BANF2: variants seen among roughly 807,000 people sequenced by gnomAD.
The protein encoded by BANF2 is BANF family member 2.
In BANF2, 4 loss-of-function variants were observed where a neutral mutation model predicts 8.0. The ratio of observed to expected loss-of-function variants is 0.50; its 90% CI spans 0.25 to 1.14. The LOEUF (loss-of-function observed/expected upper bound fraction) is 1.14, where lower values mean the gene tolerates loss of function less well. Ranked by LOEUF, BANF2 falls within the 50% of genes most tolerant of loss-of-function variation. The probability of loss-of-function intolerance (pLI) is 0.16; values close to 1 mark genes in which losing one functional copy is unlikely to be tolerated. For synonymous variants in BANF2, 50 were observed against 40.6 expected, an observed-to-expected ratio of 1.23 and a Z score of -0.88; for missense variants, 96 against 107.5, an observed-to-expected ratio of 0.89 and a Z score of 0.47.
chr20:17,707,606 T>A lies in BANF2; in HGVS notation c.-167+7551T>A, dbSNP rs547043510. Among the ~76,000 whole-genome samples, 6 of 151,378 alleles carry A rather than the reference T, an allele frequency of 4.0e-5. 1 individual carries two copies. Among genetic ancestry groups the A allele is most frequent in the African/African-American group, 1.5e-4 (6 of 41,252 alleles). On this transcript the variant is annotated intron_variant, in intron 1 of 3. Coordinates refer to ENST00000246090, the MANE Select transcript of BANF2 (RefSeq NM_178477.5). ...TATATACTTTTTTTTTGAGATGGAG[T>A]TTTGCTCTTATTGCCCAGGCTGGAG...
chr20:17,716,690 C>A (rs1331429259), intron 1 of BANF2, among the ~76,000 whole-genome samples: 2 of 151,110 alleles, frequency 1.3e-5, no homozygotes, highest in South Asian at 2.1e-4. Flanking sequence ...ATGGTGAAAC[C>A]CCGAGCCAGG....
chr20:17,734,757 C>A (rs1232394738), intron 3 of BANF2, among the ~76,000 whole-genome samples: 1 of 152,190 alleles, frequency 6.6e-6, no homozygotes, highest in East Asian at 1.9e-4. Context: ...CATAACATTT[C>A]AAGCATTGTC....
Position 17,735,802 on chromosome 20 carries a change from C to T in BANF2, c.264C>T (p.Cys88=). ...ACTGCCTCAAGGAGTGGTGTGCCTG[C>T]TTCCTGTAGACACAAACCTCATTGC... ...TSHCLKEWCA[C]FL Residue 88 remains cysteine, a synonymous_variant, in exon 4 of 4, where the codon TGC becomes TGT. Transcript: ENST00000246090. The T allele has an allele frequency of 6.2e-7, 1 of 1,613,374 alleles. No individual in the cohort carries two copies. Among genetic ancestry groups the T allele is most frequent in the Non-Finnish European group, 8.5e-7 (1 of 1,179,810 alleles).
At chr20:17,694,601 CTTTTTTTTTTTTTTT>C (rs869067650) in intron 1 of BANF2, among the ~76,000 whole-genome samples, 2 of 26,768 alleles carry the variant, frequency 7.5e-5, no homozygotes, top group South Asian at 2.1e-3. Flanking sequence ...TTTTCTCTCT[CTTTTTTTTTTTTTTT>C]TTTTTTTTTT....
chr20:17,694,601 CTTTTTTTTTTTT>C lies in BANF2; in HGVS notation c.18+916_18+927del, dbSNP rs869067650. Reference sequence around the variant, plus strand: ...GGGGCTATTTTTGTTTTTTCTCTCTCTTTTTTTTTTTTTTTTTTTTTTTTTTTTTTTTATTGA... The same window carrying C: ...GGGGCTATTTTTGTTTTTTCTCTCTCTTTTTTTTTTTTTTTTTTTTATTGA... On this transcript the variant is annotated intron_variant, in intron 1 of 2. Transcript: ENST00000545418. Among the ~76,000 whole-genome samples, 383 of 26,754 alleles carry C rather than the reference CTTTTTTTTTTTT, an allele frequency of 0.014. 3 individuals are homozygous for C. The East Asian group carries it at 0.16, about 11-fold the overall frequency. The allele number at this position is 26,754 out of a possible 152,430, so 17.6% of individuals were successfully genotyped here.
At chr20:17,726,949 C>T (rs1266176111) in intron 3 of BANF2, among the ~76,000 whole-genome samples, 1 of 152,216 alleles carries the variant, frequency 6.6e-6, no homozygotes, top group Non-Finnish European at 1.5e-5. Flanking sequence ...TCCCATTACT[C>T]AAAATATTCA....
intron 1 of BANF2, among the ~76,000 whole-genome samples, chr20:17,707,387 A>AAAAAAAAAAAAC (rs1240416068): frequency 6.6e-6 from 1 of 151,810 alleles, no homozygotes; most frequent in Non-Finnish European, 1.5e-5. Context: ...TGTGTCAAAA[A>AAAAAAAAAAAAC]AAAGAAAATC....
chr20:17,708,640 T>C (rs2037523368), intron 1 of BANF2, among the ~76,000 whole-genome samples: 1 of 152,180 alleles, frequency 6.6e-6, no homozygotes, highest in South Asian at 2.1e-4. Context: ...TTGCACTGTT[T>C]TCTTCACTGC....
chr20:17,703,103 C>G (rs2037433523), intron 1 of BANF2, among the ~76,000 whole-genome samples: 1 of 152,224 alleles, frequency 6.6e-6, no homozygotes, highest in Non-Finnish European at 1.5e-5. Flanking sequence ...GCTGTTCTCT[C>G]TGCCGGCATC....
intron 3 of BANF2, among the ~76,000 whole-genome samples, chr20:17,733,548 A>G (rs867546898): frequency 6.6e-6 from 1 of 152,120 alleles, no homozygotes; most frequent in African/African-American, 2.4e-5. Context: ...CGTTTCTGTT[A>G]CCTTCACCTT....
At chr20:17,714,211 A>AAAAG (rs1311821914) in intron 1 of BANF2, among the ~76,000 whole-genome samples, 5 of 143,192 alleles carry the variant, frequency 3.5e-5, no homozygotes, top group Non-Finnish European at 7.6e-5. Flanking sequence ...AAAAAAAAAA[A>AAAAG]AAAGAAAGAA....
At chr20:17,714,876 C>A (rs2037628661) in intron 1 of BANF2, among the ~76,000 whole-genome samples, 2 of 152,078 alleles carry the variant, frequency 1.3e-5, no homozygotes, top group Admixed American at 1.3e-4. Context: ...AGTAAGTCTC[C>A]CCGCCCTGTG....
At chr20:17,717,214 G>A (rs2037667384) in intron 1 of BANF2, among the ~76,000 whole-genome samples, 1 of 152,094 alleles carries the variant, frequency 6.6e-6, no homozygotes, top group African/African-American at 2.4e-5. Flanking sequence ...TCCTCTCACT[G>A]TAGACCGAAG....
intron 3 of BANF2, among the ~76,000 whole-genome samples, chr20:17,732,891 G>C (rs142680007): frequency 6.6e-6 from 1 of 152,180 alleles, no homozygotes; most frequent in Non-Finnish European, 1.5e-5. Context: ...GAAACCAAGC[G>C]GGCATCTGGC....
chr20:17,728,424 C>A (rs1355462174), intron 3 of BANF2, among the ~76,000 whole-genome samples: 2 of 152,166 alleles, frequency 1.3e-5, no homozygotes, highest in Non-Finnish European at 2.9e-5. Context: ...GACACCAGCG[C>A]CCCCGCTCCA....
intron 1 of BANF2, among the ~76,000 whole-genome samples, chr20:17,707,553 A>G (rs2037500981): frequency 6.6e-6 from 1 of 152,150 alleles, no homozygotes; most frequent in East Asian, 1.9e-4. Context: ...CCAAGGTTCA[A>G]GATGAGAATG....
rs1447137430 is a variant in BANF2, at chr20:17,725,130, G to A, written c.105G>A (p.Leu35=). 6.2e-7 allele frequency: 1 copy of A among 1,612,796 alleles called. No homozygotes were observed. Among genetic ancestry groups the A allele is most frequent in the Admixed American group, 1.7e-5 (1 of 60,012 alleles). Residue 35 remains leucine (L), a synonymous_variant, in exon 3 of 4, where the codon TTG becomes TTA. Transcript: ENST00000246090. Reference sequence around the variant, plus strand: ...TCAGCCATGAGCTCGCGATCAATTTGGTCACCAAAGGTATCAATAAGGTAA... The same window carrying A: ...TCAGCCATGAGCTCGCGATCAATTTAGTCACCAAAGGTATCAATAAGGTAA... ...DGISHELAIN[L]VTKGINKAYI... is the part of the protein sequence containing the mutation.
intron 1 of BANF2, among the ~76,000 whole-genome samples, chr20:17,721,623 C>T (rs2037730711): frequency 6.6e-6 from 1 of 152,110 alleles, no homozygotes; most frequent in East Asian, 1.9e-4. Flanking sequence ...AACTCCTGAC[C>T]TCAAGTGATC....
chr20:17,721,183 C>T (rs531749142), intron 1 of BANF2, among the ~76,000 whole-genome samples: 36 of 152,250 alleles, frequency 2.4e-4, no homozygotes, highest in African/African-American at 8.2e-4. Flanking sequence ...AGAGGGGGCT[C>T]ATCTCATCCA....
Sources: allele counts gnomAD v4.1 joint callset (sites outside exome capture counted in the v4.1 genomes callset), GRCh38; gene constraint gnomAD v4.1.1; transcripts MANE v1.5; gene names NCBI Gene and HGNC (gene_info 2026-07-23, HGNC 2026-07-21).